Variants in HCN1 observed in about 807,000 individuals in gnomAD.
HCN1 encodes hyperpolarization activated cyclic nucleotide gated potassium channel 1.
A neutral mutation model predicts 78.9 loss-of-function variants in HCN1; 13 were observed. The observed-to-expected ratio is 0.16, with a 90% confidence interval of 0.11 to 0.26. HCN1 has a LOEUF of 0.26. HCN1 is among the 10% of genes least tolerant of loss of function. The probability of loss-of-function intolerance (pLI) is 1.00; values close to 1 mark genes in which losing one functional copy is unlikely to be tolerated. For synonymous variants in HCN1, 552 were observed against 455.5 expected, an observed-to-expected ratio of 1.21 and a Z score of -2.70; for missense variants, 810 against 1,154.3, an observed-to-expected ratio of 0.70 and a Z score of 4.32.
chr5:45,321,094 G>A (rs1201457924), intron 5 of HCN1, among the ~76,000 whole-genome samples: 1 of 151,786 alleles, frequency 6.6e-6, no homozygotes, highest in Non-Finnish European at 1.5e-5. Flanking sequence ...GCTTGTCAAT[G>A]ACTGCCCTTT....
intron 5 of HCN1, among the ~76,000 whole-genome samples, chr5:45,319,763 G>T (rs931211606): frequency 1.3e-5 from 2 of 151,166 alleles, no homozygotes; most frequent in African/African-American, 2.4e-5. Context: ...GCTTCTAGAA[G>T]GATTTATGTT....
At chr5:45,627,833 A>T (rs1745197616) in intron 2 of HCN1, among the ~76,000 whole-genome samples, 2 of 152,214 alleles carry the variant, frequency 1.3e-5, no homozygotes, top group Admixed American at 6.5e-5. Flanking sequence ...GGCATTATCC[A>T]TGAGCTTGTG....
chr5:45,327,342 T>A (rs1276780726), intron 5 of HCN1, among the ~76,000 whole-genome samples: 1 of 151,834 alleles, frequency 6.6e-6, no homozygotes, highest in Non-Finnish European at 1.5e-5. Context: ...AAGACTTAAT[T>A]CTGTGAGAAA....
intron 2 of HCN1, among the ~76,000 whole-genome samples, chr5:45,469,208 G>A (rs1741338259): frequency 6.6e-6 from 1 of 151,864 alleles, no homozygotes; most frequent in Non-Finnish European, 1.5e-5. Context: ...TGATGACCAT[G>A]TGACAGGTCA....
chr5:45,301,216 T>C (rs1745611110), intron 6 of HCN1, among the ~76,000 whole-genome samples: 1 of 151,952 alleles, frequency 6.6e-6, no homozygotes, highest in Non-Finnish European at 1.5e-5. Flanking sequence ...GATGAAATCC[T>C]TCATTAATTA....
Position 45,695,800 on chromosome 5 carries a change from G to A in HCN1, c.294C>T (p.Phe98=). Residue 98 remains phenylalanine, a synonymous_variant, in exon 1 of 8, where the codon TTC becomes TTT. Transcript: ENST00000303230. ...TGACCCCGGGCTGCAGCATGGAGGT[G>A]AACTGCCTCTGCATGAAGCCGTACT... ...RRQYGFMQRQ[F]TSMLQPGVNK... The A allele has an allele frequency of 6.2e-7, 1 of 1,610,842 alleles. No homozygotes were observed. The highest frequency in any genetic ancestry group is 8.5e-7 in the Non-Finnish European group (1 of 1,179,574).
At chr5:45,389,806 A>T (rs1231017484) in intron 4 of HCN1, among the ~76,000 whole-genome samples, 1 of 152,122 alleles carries the variant, frequency 6.6e-6, no homozygotes, top group Non-Finnish European at 1.5e-5. Flanking sequence ...TTGATCAAGG[A>T]ATCTTAGATT....
chr5:45,605,989 AT>A (rs1194730957), intron 2 of HCN1, among the ~76,000 whole-genome samples: 2 of 148,284 alleles, frequency 1.3e-5, no homozygotes, highest in Non-Finnish European at 3.1e-5. Context: ...TTGATGGGAA[AT>A]ATTAGCTTCA....
chr5:45,396,002 G>A (rs1739679858), intron 4 of HCN1, among the ~76,000 whole-genome samples: 1 of 152,092 alleles, frequency 6.6e-6, no homozygotes, highest in Non-Finnish European at 1.5e-5. Flanking sequence ...GGAGAGTGTG[G>A]CGACTTATCT....
intron 4 of HCN1, among the ~76,000 whole-genome samples, chr5:45,363,518 A>T (rs1033069675): frequency 6.6e-6 from 1 of 151,778 alleles, no homozygotes; most frequent in African/African-American, 2.4e-5. Context: ...CTAAGCCCCA[A>T]TTGTCTATAA....
At chr5:45,442,400 G>C (rs1740695229) in intron 3 of HCN1, among the ~76,000 whole-genome samples, 1 of 152,126 alleles carries the variant, frequency 6.6e-6, no homozygotes, top group Admixed American at 6.6e-5. Context: ...TTAATTTCAG[G>C]AGGTGGAAAC....
chr5:45,274,412 C>A (rs1417450534), intron 6 of HCN1, among the ~76,000 whole-genome samples: 4 of 152,112 alleles, frequency 2.6e-5, no homozygotes, highest in Admixed American at 2.6e-4. Flanking sequence ...CTAGTAGCAA[C>A]TCTTCAGACA....
chr5:45,294,335 A>G (rs1046395742), intron 6 of HCN1, among the ~76,000 whole-genome samples: 2 of 151,984 alleles, frequency 1.3e-5, no homozygotes, highest in African/African-American at 4.8e-5. Context: ...TAACTCTGTA[A>G]AGTATCTGCC....
intron 6 of HCN1, among the ~76,000 whole-genome samples, chr5:45,284,286 TAA>T (rs1038800172): frequency 4.6e-5 from 7 of 151,908 alleles, no homozygotes; most frequent in African/African-American, 1.7e-4. Context: ...GAAATGAAAA[TAA>T]AAGTTAAAAA....
At chr5:45,534,442 A>T (rs1054958458) in intron 2 of HCN1, among the ~76,000 whole-genome samples, 10 of 141,602 alleles carry the variant, frequency 7.1e-5, no homozygotes, top group African/African-American at 2.6e-4. Flanking sequence ...AAAAAAAAAA[A>T]AAATTAATAC....
intron 5 of HCN1, among the ~76,000 whole-genome samples, chr5:45,328,875 C>A (rs895880192): frequency 5.3e-5 from 8 of 151,570 alleles, no homozygotes; most frequent in Admixed American, 3.3e-4. Flanking sequence ...ATCTACTTTG[C>A]ATAGATGTGG....
At chr5:45,405,159 C>T (rs1328824267) in intron 3 of HCN1, among the ~76,000 whole-genome samples, 1 of 152,054 alleles carries the variant, frequency 6.6e-6, no homozygotes, top group African/African-American at 2.4e-5. Flanking sequence ...ATTGCATAAA[C>T]ATATCATTTT....
In HCN1 at chr5:45,288,683, A is replaced by C. The variant is rs563610333; in HGVS notation, c.1618+14916T>G. 1.6e-3 allele frequency among the ~76,000 whole-genome samples: 244 copies of C among 152,208 alleles called. 1 individual carries two copies. Among genetic ancestry groups the C allele is most frequent in the South Asian group, 3.7e-3 (18 of 4,834 alleles). Reference sequence around the variant, plus strand: ...ATTTGCAATATTATAGAAAGAAAGAATCAGGCATTAAATCGTGCTTAGGTT... The same window carrying C: ...ATTTGCAATATTATAGAAAGAAAGACTCAGGCATTAAATCGTGCTTAGGTT... On this transcript the variant is annotated intron_variant, in intron 6 of 7. Transcript: ENST00000303230.
chr5:45,469,653 A>T (rs913172194), intron 2 of HCN1, among the ~76,000 whole-genome samples: 1 of 151,948 alleles, frequency 6.6e-6, no homozygotes, highest in Non-Finnish European at 1.5e-5. Flanking sequence ...TTATTTTCTG[A>T]AGTTTTTTTC....
Sources: allele counts gnomAD v4.1 joint callset (sites outside exome capture counted in the v4.1 genomes callset), GRCh38; gene constraint gnomAD v4.1.1; transcripts MANE v1.5; gene names NCBI Gene and HGNC (gene_info 2026-07-23, HGNC 2026-07-21).